CSMD1: variants seen among roughly 807,000 people sequenced by gnomAD.
CSMD1 encodes CUB and Sushi multiple domains 1, also known as CUB and sushi domain-containing protein 1.
CSMD1 carries 213 observed loss-of-function variants against 417.5 expected under a neutral mutation model. That is an observed-to-expected ratio of 0.51 (90% CI 0.46 to 0.57). The LOEUF (loss-of-function observed/expected upper bound fraction) is 0.57, where lower values mean the gene tolerates loss of function less well. CSMD1 is among the 20% of genes least tolerant of loss of function. The probability of loss-of-function intolerance (pLI) is 0.00; values close to 1 mark genes in which losing one functional copy is unlikely to be tolerated. For synonymous variants in CSMD1, 2,862 were observed against 1,736.8 expected (o/e 1.65, Z -16.11); for missense variants, 6,923 against 4,529.7 (o/e 1.53, Z -15.17).
At chr8:3,277,879 C>A (rs1026835552) in intron 26 of CSMD1, among the ~76,000 whole-genome samples, 1 of 152,200 alleles carries the variant, frequency 6.6e-6, no homozygotes, top group Admixed American at 6.5e-5. Context: ...AACATTCCAT[C>A]ATTTCTTCCC....
At chr8:4,257,471 G>A (rs921913975) in intron 3 of CSMD1, among the ~76,000 whole-genome samples, 1 of 152,040 alleles carries the variant, frequency 6.6e-6, no homozygotes, top group South Asian at 2.1e-4. Flanking sequence ...ATAGTTTTAA[G>A]AATGCATATA....
At chr8:3,214,461 G>T (rs1486952886) in intron 30 of CSMD1, 36 bp downstream of exon 30, 2 of 1,471,552 alleles carry the variant, frequency 1.4e-6, no homozygotes, top group Non-Finnish European at 1.8e-6. Context: ...TTAAAGGAAA[G>T]TTGTATTTCT....
intron 7 of CSMD1, among the ~76,000 whole-genome samples, chr8:3,636,790 G>A (rs1218521922): frequency 6.6e-6 from 1 of 152,134 alleles, no homozygotes; most frequent in Non-Finnish European, 1.5e-5. Context: ...TCCACACTTT[G>A]AGTTTCATAC....
rs563349060 is a variant in CSMD1, at chr8:3,624,925, A to C, written c.1010-8128T>G. Among the ~76,000 whole-genome samples, 6 of 152,282 alleles carry C rather than the reference A, an allele frequency of 3.9e-5. No individual in the cohort carries two copies. The South Asian group carries it at 1.2e-3, about 32-fold the overall frequency. ...AGCAAGAATGAAACTTTGTCATGCC[A>C]CACCCTTCTTCAAAAACTAATAACT... On this transcript the variant is annotated intron_variant, in intron 7 of 69. Transcript: ENST00000635120.
chr8:4,293,325 A>G (rs1797477048), intron 3 of CSMD1, among the ~76,000 whole-genome samples: 1 of 152,242 alleles, frequency 6.6e-6, no homozygotes, highest in South Asian at 2.1e-4. Flanking sequence ...GACGATGCTG[A>G]AATTACTTGT....
At chr8:4,077,713 A>G (rs550274578) in intron 3 of CSMD1, among the ~76,000 whole-genome samples, 1 of 152,104 alleles carries the variant, frequency 6.6e-6, no homozygotes, top group Non-Finnish European at 1.5e-5. Flanking sequence ...CTTGTTTCTT[A>G]CCATTCTCAA....
At chr8:4,357,465 T>C (rs11997852) in intron 3 of CSMD1, among the ~76,000 whole-genome samples, 12,545 of 152,174 alleles carry the variant, frequency 0.082, 774 homozygotes, top group African/African-American at 0.17. Flanking sequence ...ACTTCTCTCC[T>C]ACCATCGCCC....
intron 10 of CSMD1, among the ~76,000 whole-genome samples, chr8:3,554,099 A>C (rs2116803750): frequency 6.6e-6 from 1 of 152,356 alleles, no homozygotes; most frequent in South Asian, 2.1e-4. Flanking sequence ...GTTCTTCATG[A>C]CTGTATTTAA....
chr8:4,837,885 C>A (rs12056452), intron 1 of CSMD1, among the ~76,000 whole-genome samples: 51,515 of 151,628 alleles, frequency 0.34, 10,263 homozygotes, highest in South Asian at 0.47. Context: ...ATACACCTAA[C>A]GTGAACCCCA....
At chr8:4,446,307 GGAGCCCAGCATGGGTGGATCGCTT>G (rs1453626305) in intron 2 of CSMD1, among the ~76,000 whole-genome samples, 1 of 152,112 alleles carries the variant, frequency 6.6e-6, no homozygotes, top group East Asian at 1.9e-4. Context: ...TGCTTCTTTG[GGAGCCCAGCATGGGTGGATCGCTT>G]GAGCCCAGGA....
At position 3,755,044 on chromosome 8, in the gene CSMD1, T is replaced by C. The variant is rs570304541; in HGVS notation, c.819-1002A>G. The stretch of plus-strand genomic sequence containing the variant: ...ATCCATTTCACTTTACAACGTGCAG[T>C]TTAGTTGTCAGAAACAATCATGTGT... On this transcript the variant is annotated intron_variant, in intron 5 of 69. Coordinates refer to ENST00000635120, the MANE Select transcript of CSMD1 (RefSeq NM_033225.6). Among the ~76,000 whole-genome samples the C allele has an allele frequency of 7.2e-5, 11 of 152,366 alleles. No homozygotes were observed. In the South Asian group the frequency reaches 2.3e-3, roughly 32 times the overall value.
Position 4,401,859 on chromosome 8 carries a change from C to A in CSMD1, c.415+18094G>T, listed in dbSNP as rs78505929. 8.4e-3 allele frequency among the ~76,000 whole-genome samples: 1,271 copies of A among 152,194 alleles called. 16 individuals are homozygous for A. Among genetic ancestry groups the A allele is most frequent in the African/African-American group, 0.029 (1,199 of 41,502 alleles). On this transcript the variant is annotated intron_variant, in intron 3 of 69. Transcript: ENST00000635120. ...TCATCATCATTTCCTGACTTTCCCC[C>A]CAAATTCCCAGCTTTGACTCTTCTG...
intron 12 of CSMD1, among the ~76,000 whole-genome samples, chr8:3,461,082 G>A (rs773261471): frequency 2.0e-5 from 3 of 152,218 alleles, no homozygotes; most frequent in Non-Finnish European, 2.9e-5. Flanking sequence ...TCCCTTGCAT[G>A]GGCCTCACCG....
At chr8:3,290,126 C>A (rs1299819637) in intron 25 of CSMD1, among the ~76,000 whole-genome samples, 1 of 146,726 alleles carries the variant, frequency 6.8e-6, no homozygotes, top group Non-Finnish European at 1.5e-5. Context: ...TGTCAAAGAT[C>A]AGATAGTTGT....
chr8:3,717,043 C>G (rs1801880032), intron 6 of CSMD1, among the ~76,000 whole-genome samples: 1 of 152,094 alleles, frequency 6.6e-6, no homozygotes, highest in South Asian at 2.1e-4. Context: ...ATGGTAGAAG[C>G]AGGGTTTGCT....
intron 3 of CSMD1, among the ~76,000 whole-genome samples, chr8:4,136,060 G>C (rs1229837275): frequency 6.6e-6 from 1 of 151,952 alleles, no homozygotes; most frequent in Non-Finnish European, 1.5e-5. Flanking sequence ...ATGGCACTTG[G>C]CAAGAGAAAA....
intron 3 of CSMD1, among the ~76,000 whole-genome samples, chr8:4,112,058 T>A (rs1452733367): frequency 6.6e-6 from 1 of 152,204 alleles, no homozygotes; most frequent in East Asian, 1.9e-4. Context: ...ACATTTGCAA[T>A]TTTGTCTGAG....
intron 5 of CSMD1, among the ~76,000 whole-genome samples, chr8:3,897,019 T>G (rs1318106614): frequency 6.6e-6 from 1 of 152,024 alleles, no homozygotes; most frequent in African/African-American, 2.4e-5. Flanking sequence ...GCAACTTACT[T>G]GCTCCCTGGA....
intron 5 of CSMD1, among the ~76,000 whole-genome samples, chr8:3,836,020 T>A (rs1019917014): frequency 2.6e-5 from 4 of 152,136 alleles, no homozygotes; most frequent in African/African-American, 7.2e-5. Flanking sequence ...TGTCCTCATT[T>A]TCTGTTTCAT....
Sources: gnomAD v4.1 joint callset for allele counts (sites outside exome capture counted in the v4.1 genomes callset) on GRCh38, gnomAD v4.1.1 for gene constraint, MANE v1.5 for transcripts, NCBI Gene and HGNC (gene_info 2026-07-23, HGNC 2026-07-21) for gene names.